ASIC2: variants seen among roughly 807,000 people sequenced by gnomAD.
The protein encoded by ASIC2 is acid sensing ion channel subunit 2.
ASIC2 carries 25 observed loss-of-function variants against 57.3 expected under a neutral mutation model. The ratio of observed to expected loss-of-function variants is 0.44; its 90% CI spans 0.32 to 0.61. The LOEUF is 0.61. Among genes scored for constraint, ASIC2 ranks in the 20% least tolerant of loss-of-function variants. The pLI is 0.06. For synonymous variants in ASIC2, 319 were observed against 307.5 expected (o/e 1.04, Z -0.39); for missense variants, 641 against 738.1 (o/e 0.87, Z 1.52).
intron 1 of ASIC2, among the ~76,000 whole-genome samples, chr17:33,577,228 G>A (rs920142347): frequency 2.6e-5 from 4 of 152,106 alleles, no homozygotes; most frequent in East Asian, 1.9e-4. Flanking sequence ...TGCAAGGGAG[G>A]GTCATTTTAA....
intron 1 of ASIC2, among the ~76,000 whole-genome samples, chr17:33,149,536 G>A (rs1031073440): frequency 6.6e-6 from 1 of 152,222 alleles, no homozygotes; most frequent in African/African-American, 2.4e-5. Flanking sequence ...CACTAACACA[G>A]TGACTTGTAT....
chr17:33,237,151 G>A (rs548992218), intron 1 of ASIC2, among the ~76,000 whole-genome samples: 10 of 152,162 alleles, frequency 6.6e-5, no homozygotes, highest in Non-Finnish European at 1.0e-4. Flanking sequence ...TCCATCATCC[G>A]GGCAGGCCAC....
intron 1 of ASIC2, chr17:34,038,192 T>G: frequency 1.2e-6 from 2 of 1,612,596 alleles, no homozygotes; most frequent in Non-Finnish European, 1.7e-6. Context: ...AGGTTTTATT[T>G]CATTTAAGTA....
chr17:34,099,559 AAGAG>A lies in ASIC2; in HGVS notation c.555+56415_555+56418del, dbSNP rs1910742209. 2.0e-5 allele frequency among the ~76,000 whole-genome samples: 3 copies of A among 147,978 alleles called. No homozygotes were observed. The South Asian group carries it at 6.5e-4, about 32-fold the overall frequency. Reference sequence around the variant, plus strand: ...AAGGAAAGAAAGAAGGGAAGGAAGGAAGAGAGGGAGGGAGGAAAGAAGGAAGGAA... The same window carrying A: ...AAGGAAAGAAAGAAGGGAAGGAAGGAAGGGAGGGAGGAAAGAAGGAAGGAA... On this transcript the variant is annotated intron_variant, in intron 1 of 9. Transcript: ENST00000359872.
intron 1 of ASIC2, among the ~76,000 whole-genome samples, chr17:33,747,721 G>C (rs1474453302): frequency 2.0e-5 from 3 of 152,178 alleles, no homozygotes; most frequent in Non-Finnish European, 4.4e-5. Context: ...AGTCCAGAGA[G>C]GGAGTGACTT....
At chr17:33,499,966 T>A (rs1383187820) in intron 1 of ASIC2, among the ~76,000 whole-genome samples, 2 of 152,130 alleles carry the variant, frequency 1.3e-5, no homozygotes, top group Non-Finnish European at 2.9e-5. Context: ...AGCCAACAAG[T>A]TAACTTTTTG....
intron 2 of ASIC2, among the ~76,000 whole-genome samples, chr17:33,091,971 G>C (rs535912058): frequency 6.6e-6 from 1 of 152,204 alleles, no homozygotes; most frequent in Non-Finnish European, 1.5e-5. Flanking sequence ...CATGTGGCTA[G>C]TGGAAACATT....
At chr17:33,492,859 C>T (rs999536670) in intron 1 of ASIC2, among the ~76,000 whole-genome samples, 7 of 152,196 alleles carry the variant, frequency 4.6e-5, no homozygotes, top group South Asian at 2.1e-4. Context: ...CAGATAGCTA[C>T]TTGGTGCACT....
intron 1 of ASIC2, among the ~76,000 whole-genome samples, chr17:33,213,977 G>T (rs1567786621): frequency 6.6e-6 from 1 of 152,182 alleles, no homozygotes; most frequent in African/African-American, 2.4e-5. Flanking sequence ...TCTGAGGGGG[G>T]CTGAGCCTAT....
chr17:33,883,041 T>C (rs1044181208), intron 1 of ASIC2, among the ~76,000 whole-genome samples: 11 of 152,022 alleles, frequency 7.2e-5, no homozygotes, highest in Non-Finnish European at 1.0e-4. Context: ...TTCTCACTCA[T>C]AGGTGGGAAC....
intron 1 of ASIC2, among the ~76,000 whole-genome samples, chr17:33,154,950 G>A (rs2142033345): frequency 6.6e-6 from 1 of 152,286 alleles, no homozygotes; most frequent in African/African-American, 2.4e-5. Context: ...ATTTCTAATT[G>A]CGCTGAGGGA....
chr17:33,698,149 A>G (rs6505372), intron 1 of ASIC2, among the ~76,000 whole-genome samples: 43,494 of 152,056 alleles, frequency 0.29, 6,440 homozygotes, highest in African/African-American at 0.36. Flanking sequence ...GAGGAGTTAT[A>G]ATACCAGCAT....
At chr17:34,083,303 A>G (rs1385804710) in intron 1 of ASIC2, among the ~76,000 whole-genome samples, 1 of 151,776 alleles carries the variant, frequency 6.6e-6, no homozygotes, top group South Asian at 2.1e-4. Flanking sequence ...ATAGTTTACT[A>G]AGAATGATGA....
At chr17:33,262,524 CTA>C in intron 1 of ASIC2, among the ~76,000 whole-genome samples, 1 of 152,204 alleles carries the variant, frequency 6.6e-6, no homozygotes, top group East Asian at 1.9e-4. Context: ...GCTCAAATGC[CTA>C]TAGTATGTTT....
At chr17:33,092,323 C>T (rs1199204042) in intron 2 of ASIC2, among the ~76,000 whole-genome samples, 2 of 152,246 alleles carry the variant, frequency 1.3e-5, no homozygotes, top group Non-Finnish European at 2.9e-5. Context: ...CCCTGCAGTC[C>T]CTGCCCTCAC....
At chr17:34,127,482 G>T (rs1037459391) in intron 1 of ASIC2, among the ~76,000 whole-genome samples, 1 of 152,334 alleles carries the variant, frequency 6.6e-6, no homozygotes, top group East Asian at 1.9e-4. Context: ...CAATTTAGTT[G>T]TGGATGCATC....
At chr17:33,930,743 T>C (rs1428984305) in intron 1 of ASIC2, among the ~76,000 whole-genome samples, 1 of 152,144 alleles carries the variant, frequency 6.6e-6, no homozygotes, top group Non-Finnish European at 1.5e-5. Context: ...GGGCCAGAGT[T>C]CTGGGGGTAC....
chr17:34,089,706 C>T (rs545845417), intron 1 of ASIC2, among the ~76,000 whole-genome samples: 70 of 152,268 alleles, frequency 4.6e-4, no homozygotes, highest in African/African-American at 1.6e-3. Context: ...AGATCACTCT[C>T]TTCAAAGACT....
intron 3 of ASIC2, among the ~76,000 whole-genome samples, chr17:33,029,027 A>G (rs571186317): frequency 6.6e-6 from 1 of 152,344 alleles, no homozygotes; most frequent in Admixed American, 6.5e-5. Context: ...AAATGCTCTC[A>G]TAGCATCTAT....
Sources: allele counts gnomAD v4.1 joint callset (sites outside exome capture counted in the v4.1 genomes callset), GRCh38; gene constraint gnomAD v4.1.1; transcripts MANE v1.5; gene names NCBI Gene and HGNC (gene_info 2026-07-23, HGNC 2026-07-21).